Variants in EPRS1 observed in about 807,000 individuals in gnomAD.
EPRS1 encodes the protein glutamyl-prolyl-tRNA synthetase 1.
In EPRS1, 107 loss-of-function variants were observed where a neutral mutation model predicts 188.3. The observed-to-expected ratio is 0.57, with a 90% CI of 0.49 to 0.67. EPRS1 has a LOEUF of 0.67. Ranked by LOEUF, EPRS1 falls within the 30% of genes least tolerant of loss-of-function variation. EPRS1 has a pLI of 0.00. For synonymous variants in EPRS1, 596 were observed against 593.1 expected, an observed-to-expected ratio of 1.00 and a Z score of -0.07; for missense variants, 1,577 against 1,802.2, an observed-to-expected ratio of 0.88 and a Z score of 2.26.
At chr1:219,992,558 T>A (rs1225833461) in intron 18 of EPRS1, among the ~76,000 whole-genome samples, 2 of 152,232 alleles carry the variant, frequency 1.3e-5, no homozygotes, top group Non-Finnish European at 2.9e-5. Context: ...TGGTTGCAAC[T>A]ATTCAACTCT....
rs774971626 is a variant in EPRS1 at position 219,979,438 on chromosome 1, G to T, written c.3889C>A (p.Pro1297Thr). 4 of 1,612,970 alleles carry T rather than the reference G, an allele frequency of 2.5e-6. No individual in the cohort carries two copies. The African/African-American group carries it at 4.0e-5, about 16-fold the overall frequency. Residue 1297 changes from proline to threonine, a missense_variant, in exon 27 of 32, where the codon CCC becomes ACC. This residue lies in a region of EPRS1 where 296 missense variants were observed against 327.9 expected (regional missense o/e 0.90). Transcript: ENST00000366923. The part of the protein sequence containing the change: ...HGDNMGLVLP[P>T]RVACVQVVII... ...CTTACCTGAACACATGCTACACGGG[G>T]TGGTAATACTAAACCCATGTTGTCC...
rs1265564968 is a variant in EPRS1, at chr1:220,025,198, A to T, written c.684T>A (p.Phe228Leu). 1 of 1,613,080 alleles carries T rather than the reference A, an allele frequency of 6.2e-7. No homozygotes were observed. Among genetic ancestry groups the T allele is most frequent in the Admixed American group, 1.7e-5 (1 of 60,014 alleles). ...ALLNQHYQVNFKGKLIMRFDD... is the reference protein window; with the variant it reads ...ALLNQHYQVNLKGKLIMRFDD... ...CAAATCTCATGATCAGTTTCCCTTT[A>T]AAGTTAACCTGGTAGTGCTGGTTCA... Residue 228 changes from phenylalanine to leucine, a missense_variant, in exon 7 of 32, where the codon TTT (phenylalanine) becomes TTA (leucine). Transcript: ENST00000366923.
intron 19 of EPRS1, 89 bp from the exon 20 acceptor site, chr1:219,987,493 C>A: frequency 8.5e-7 from 1 of 1,171,824 alleles, no homozygotes; most frequent in South Asian, 1.6e-5. Flanking sequence ...ATGCTCAAAG[C>A]TTTCTTTTTT....
chr1:219,985,157 T>C (rs1187858432), intron 20 of EPRS1, among the ~76,000 whole-genome samples: 1 of 152,140 alleles, frequency 6.6e-6, no homozygotes, highest in Non-Finnish European at 1.5e-5. Context: ...AAAGCTATGA[T>C]TCTATGCAGA....
rs376506946 is a variant in EPRS1, at chr1:220,022,330, G to A, written c.1115+17C>T. Reference sequence around the variant, plus strand: ...AGCACAGATGGCTACCTAGCATATTGAAGGAGATATACTTACTTGTATTTA... The same window carrying A: ...AGCACAGATGGCTACCTAGCATATTAAAGGAGATATACTTACTTGTATTTA... On this transcript the variant is annotated intron_variant, in intron 9 of 31. Coordinates refer to ENST00000366923, the MANE Select transcript of EPRS1 (RefSeq NM_004446.3). 94 of 1,603,018 alleles carry A rather than the reference G, an allele frequency of 5.9e-5. No homozygotes were observed. Among genetic ancestry groups the A allele is most frequent in the Non-Finnish European group, 7.4e-5 (87 of 1,172,964 alleles).
Position 220,038,889 on chromosome 1 carries a change from G to A in EPRS1, c.131+1296C>T, listed in dbSNP as rs187241771. On this transcript the variant is annotated intron_variant, in intron 2 of 31. Transcript: ENST00000366923. ...AGGTAATATCTTGAAGCTGCCCTCA[G>A]AAGAGCAGGTGAAGTCTGTCTGAGC... is the stretch of plus-strand genomic sequence containing the variant. 5.1e-3 allele frequency among the ~76,000 whole-genome samples: 770 copies of A among 152,268 alleles called. 4 individuals are homozygous for A. The highest frequency in any genetic ancestry group is 0.018 in the African/African-American group (747 of 41,542).
chr1:220,001,464 C>G (rs767019933), intron 16 of EPRS1, among the ~76,000 whole-genome samples: 1 of 152,088 alleles, frequency 6.6e-6, no homozygotes, highest in African/African-American at 2.4e-5. Flanking sequence ...CTCCTGCGTT[C>G]AAGTGATTCT....
intron 2 of EPRS1, among the ~76,000 whole-genome samples, chr1:220,037,505 CAAAAAAA>C (rs766349279): frequency 1.9e-5 from 1 of 52,322 alleles, no homozygotes; most frequent in East Asian, 4.9e-4. Flanking sequence ...ACTCCATCTC[CAAAAAAA>C]AAAAAAAAAA....
intron 18 of EPRS1, 24 bp downstream of exon 18, chr1:219,996,959 C>T (rs1263163384): frequency 1.3e-6 from 2 of 1,543,182 alleles, no homozygotes; most frequent in Middle Eastern, 1.7e-4. Context: ...AAAATGTGGT[C>T]TTGACTTTCT....
chr1:219,986,209 C>T (rs1661002968), intron 20 of EPRS1, among the ~76,000 whole-genome samples: 1 of 152,128 alleles, frequency 6.6e-6, no homozygotes, highest in African/African-American at 2.4e-5. Context: ...TAAGGGAAAC[C>T]CATCACAAAG....
At chr1:220,041,815 G>A (rs185913997) in intron 1 of EPRS1, among the ~76,000 whole-genome samples, 60 of 151,572 alleles carry the variant, frequency 4.0e-4, no homozygotes, top group Admixed American at 1.4e-3. Flanking sequence ...ACTCCAGCCT[G>A]GGCAACAAGA....
chr1:220,018,829 T>TAAA (rs34224725), intron 11 of EPRS1, among the ~76,000 whole-genome samples, 166 bp downstream of exon 11: 82,086 of 135,860 alleles, frequency 0.6, 26,280 homozygotes, highest in Non-Finnish European at 0.72. Flanking sequence ...TGATAAACTT[T>TAAA]AAAAAAAAAA....
At chr1:219,995,919 C>A (rs1487023246) in intron 18 of EPRS1, among the ~76,000 whole-genome samples, 2 of 152,150 alleles carry the variant, frequency 1.3e-5, no homozygotes, top group African/African-American at 2.4e-5. Context: ...TAGAACAAAT[C>A]CCCTTCCCGC....
At chr1:219,985,510 AG>A (rs1660990116) in intron 20 of EPRS1, among the ~76,000 whole-genome samples, 1 of 152,012 alleles carries the variant, frequency 6.6e-6, no homozygotes, top group African/African-American at 2.4e-5. Flanking sequence ...CTCGTGCCTC[AG>A]CCCCCCTCCC....
rs201015628 is a variant in EPRS1, at chr1:220,032,350, TG to T, written c.528+36del. On this transcript the variant is annotated intron_variant, in intron 5 of 31. Coordinates refer to ENST00000366923, the MANE Select transcript of EPRS1 (RefSeq NM_004446.3). ...ATCCGCCCGCCTCAGCCTCCCAAAG[TG>T]TTTTTTTTTTTAAAAAAAAAGAAAA... 9.2e-5 allele frequency: 141 copies of T among 1,529,536 alleles called. No individual in the cohort carries two copies. In the African/African-American group the frequency reaches 1.5e-3, roughly 16 times the overall value. The allele number at this position is 1,529,536 out of a possible 1,614,324, so 94.7% of individuals were successfully genotyped here.
Position 220,025,121 on chromosome 1 carries a change from C to T in EPRS1, c.750+11G>A, listed in dbSNP as rs750484723. The T allele has an allele frequency of 1.2e-5, 20 of 1,611,974 alleles. No homozygotes were observed. The South Asian group carries it at 2.1e-4, about 17-fold the overall frequency. ...TTTCTGGCAAAGGGTCATCACTACA[C>T]TTTTAATTACCTTCTCAAAATCTTC... On this transcript the variant is annotated intron_variant, in intron 7 of 31. Coordinates refer to ENST00000366923, the MANE Select transcript of EPRS1 (RefSeq NM_004446.3).
intron 15 of EPRS1, among the ~76,000 whole-genome samples, chr1:220,005,636 T>A (rs529155231): frequency 6.6e-6 from 1 of 152,250 alleles, no homozygotes; most frequent in Admixed American, 6.5e-5. Flanking sequence ...GCTATAAATA[T>A]GAAATATGAT....
chr1:219,990,379 G>A (rs1661096729), intron 18 of EPRS1, among the ~76,000 whole-genome samples: 2 of 152,140 alleles, frequency 1.3e-5, no homozygotes, highest in African/African-American at 4.8e-5. Context: ...GGTACCTAAA[G>A]ATTCTTGAGA....
At chr1:219,968,984 AC>A (rs1660617332) in intron 31 of EPRS1, 28 bp from the exon 32 acceptor site, 1 of 1,613,160 alleles carries the variant, frequency 6.2e-7, no homozygotes, top group African/African-American at 1.3e-5. Context: ...TAAGAATTCC[AC>A]TCATTTATGC....
Sources: gnomAD v4.1 joint callset for allele counts (sites outside exome capture counted in the v4.1 genomes callset) on GRCh38, gnomAD v4.1.1 for gene constraint, gnomAD v4.1.1 regional missense constraint, MANE v1.5 for transcripts, NCBI Gene and HGNC (gene_info 2026-07-23, HGNC 2026-07-21) for gene names.